Variants in CCSER1 observed in about 807,000 individuals in gnomAD.
The protein encoded by CCSER1 is serine-rich coiled-coil domain-containing protein 1.
In CCSER1, 41 loss-of-function variants were observed where a neutral mutation model predicts 82.0. The ratio of observed to expected loss-of-function variants is 0.50; its 90% CI spans 0.39 to 0.65. The LOEUF (loss-of-function observed/expected upper bound fraction) is 0.65. Among genes scored for constraint, CCSER1 ranks in the 30% least tolerant of loss-of-function variants. The pLI is 0.00. For missense variants in CCSER1, 1,119 were observed against 1,064.2 expected, an observed-to-expected ratio of 1.05 and a Z score of -0.72; for synonymous variants, 414 against 383.9, an observed-to-expected ratio of 1.08 and a Z score of -0.92.
At chr4:90,691,281 G>T (rs914344241) in intron 6 of CCSER1, among the ~76,000 whole-genome samples, 18 of 148,364 alleles carry the variant, frequency 1.2e-4, no homozygotes, top group African/African-American at 4.4e-4. Context: ...ACCTGTCTCT[G>T]ATAGATACAT....
At chr4:90,500,608 G>A (rs767674403) in intron 5 of CCSER1, among the ~76,000 whole-genome samples, 23 of 151,918 alleles carry the variant, frequency 1.5e-4, no homozygotes, top group Non-Finnish European at 2.5e-4. Flanking sequence ...TAGGATTACC[G>A]GCGAGAACCA....
At chr4:90,936,196 TAAAA>T (rs1295617886) in intron 9 of CCSER1, among the ~76,000 whole-genome samples, 1 of 152,098 alleles carries the variant, frequency 6.6e-6, no homozygotes, top group Non-Finnish European at 1.5e-5. Flanking sequence ...ATGTAATTAT[TAAAA>T]ATAAATGTTA....
chr4:90,623,817 A>G (rs1178384296), intron 5 of CCSER1, among the ~76,000 whole-genome samples: 1 of 152,206 alleles, frequency 6.6e-6, no homozygotes, highest in Admixed American at 6.5e-5. Context: ...GTTATTCATA[A>G]TCAACAGCCT....
At chr4:90,154,757 T>C (rs1189114771) in intron 1 of CCSER1, among the ~76,000 whole-genome samples, 1 of 148,272 alleles carries the variant, frequency 6.7e-6, no homozygotes, top group East Asian at 2.0e-4. Context: ...TGAAGTTGCT[T>C]ATCAGCTTAA....
At chr4:91,353,976 C>T (rs1187772568) in intron 10 of CCSER1, among the ~76,000 whole-genome samples, 1 of 152,160 alleles carries the variant, frequency 6.6e-6, no homozygotes, top group African/African-American at 2.4e-5. Flanking sequence ...TATGTGTAGG[C>T]AACAATTAGT....
At chr4:90,132,349 A>G (rs1021359029) in intron 1 of CCSER1, among the ~76,000 whole-genome samples, 4 of 152,302 alleles carry the variant, frequency 2.6e-5, no homozygotes, top group Admixed American at 2.6e-4. Context: ...TTTGCTTTAT[A>G]GTGAGTACAT....
intron 10 of CCSER1, among the ~76,000 whole-genome samples, chr4:91,249,367 A>G (rs1740073884): frequency 6.6e-6 from 1 of 151,706 alleles, no homozygotes; most frequent in Non-Finnish European, 1.5e-5. Flanking sequence ...TGACTACAAA[A>G]GAAAATACGT....
chr4:90,534,269 A>G (rs1393112452), intron 5 of CCSER1, among the ~76,000 whole-genome samples: 4 of 152,166 alleles, frequency 2.6e-5, no homozygotes, highest in African/African-American at 9.6e-5. Flanking sequence ...AGCTGGGACT[A>G]CAGGCGCCCG....
intron 10 of CCSER1, among the ~76,000 whole-genome samples, chr4:91,522,464 A>G (rs945871605): frequency 1.2e-4 from 19 of 152,302 alleles, no homozygotes; most frequent in Non-Finnish European, 2.4e-4. Context: ...TACCTTGGGC[A>G]GTATGGCCAT....
At chr4:90,144,436 C>T (rs1021933781) in intron 1 of CCSER1, among the ~76,000 whole-genome samples, 2 of 152,172 alleles carry the variant, frequency 1.3e-5, no homozygotes, top group Admixed American at 6.5e-5. Context: ...ATTCATCCCA[C>T]TATGCATTAT....
intron 10 of CCSER1, among the ~76,000 whole-genome samples, chr4:91,164,610 T>C (rs1017747359): frequency 1.3e-5 from 2 of 152,210 alleles, no homozygotes; most frequent in Non-Finnish European, 2.9e-5. Flanking sequence ...CCCATATTTC[T>C]TGTAGGCTTT....
intron 4 of CCSER1, among the ~76,000 whole-genome samples, chr4:90,442,514 A>G (rs28735679): frequency 0.05 from 7,687 of 152,260 alleles, 444 homozygotes; most frequent in African/African-American, 0.15. Flanking sequence ...AGATTTATAA[A>G]TTTGAGTATC....
intron 10 of CCSER1, among the ~76,000 whole-genome samples, chr4:91,569,919 C>T (rs1020557864): frequency 1.3e-5 from 2 of 152,120 alleles, no homozygotes; most frequent in Non-Finnish European, 2.9e-5. Context: ...CAAGGAAAGT[C>T]CCTTCTGTCT....
At chr4:90,391,679 G>T (rs1751177520) in intron 3 of CCSER1, among the ~76,000 whole-genome samples, 1 of 151,266 alleles carries the variant, frequency 6.6e-6, no homozygotes, top group Non-Finnish European at 1.5e-5. Flanking sequence ...ATAAATGAGA[G>T]TTGAGGAACT....
At chr4:91,104,566 G>T (rs1158102482) in intron 10 of CCSER1, among the ~76,000 whole-genome samples, 2 of 152,210 alleles carry the variant, frequency 1.3e-5, no homozygotes, top group African/African-American at 4.8e-5. Context: ...AGTCATAGTT[G>T]TGTTCAAAAT....
chr4:90,985,440 A>C (rs1736504882), intron 9 of CCSER1, among the ~76,000 whole-genome samples: 1 of 151,736 alleles, frequency 6.6e-6, no homozygotes, highest in Non-Finnish European at 1.5e-5. Flanking sequence ...AAAACTGTAA[A>C]GGGCTAATGT....
At chr4:91,506,756 T>C (rs1759513551) in intron 10 of CCSER1, among the ~76,000 whole-genome samples, 1 of 152,190 alleles carries the variant, frequency 6.6e-6, no homozygotes, top group Admixed American at 6.5e-5. Context: ...TGAGCAACCA[T>C]TACCATTGCC....
intron 5 of CCSER1, among the ~76,000 whole-genome samples, chr4:90,620,949 C>G (rs6839260): frequency 0.48 from 72,286 of 151,900 alleles, 20,297 homozygotes; most frequent in African/African-American, 0.79. Flanking sequence ...GAGTATCTGA[C>G]ATTATGGTCG....
At chr4:90,482,349 G>C (rs1014624454) in intron 5 of CCSER1, among the ~76,000 whole-genome samples, 1 of 151,866 alleles carries the variant, frequency 6.6e-6, no homozygotes, top group Non-Finnish European at 1.5e-5. Flanking sequence ...TTTTTTGAAG[G>C]GCTTTTTGTG....
Sources: allele counts gnomAD v4.1 joint callset (sites outside exome capture counted in the v4.1 genomes callset), GRCh38; gene constraint gnomAD v4.1.1; transcripts MANE v1.5; gene names NCBI Gene and HGNC (gene_info 2026-07-23, HGNC 2026-07-21).